CYB5R2: variants seen among roughly 807,000 people sequenced by gnomAD.
CYB5R2 encodes NADH-cytochrome b5 reductase 2.
Under a neutral mutation model 29.8 loss-of-function variants are expected in CYB5R2, and 35 were observed. The observed-to-expected ratio is 1.17, with a 90% CI of 0.90 to 1.56. The LOEUF (loss-of-function observed/expected upper bound fraction) is 1.56, where lower values mean the gene tolerates loss of function less well. Among genes scored for constraint, CYB5R2 ranks in the 40% most tolerant of loss-of-function variants. The pLI is 0.00. For missense variants in CYB5R2, 419 were observed against 346.7 expected (o/e 1.21, Z -1.66); for synonymous variants, 169 against 130.6 (o/e 1.29, Z -2.01).
In CYB5R2 at chr11:7,672,860, G is replaced by A. The variant is rs376565245; in HGVS notation, c.-35C>T. The A allele has an allele frequency of 1.0e-4, 161 of 1,613,924 alleles. No homozygotes were observed. The highest frequency in any genetic ancestry group is 1.3e-4 in the Non-Finnish European group (156 of 1,179,966). On this transcript the variant is annotated 5_prime_UTR_variant, in exon 2 of 9. Transcript: ENST00000299498. ...GACCAACACGAGCACAGTGACCCCAGTGACGGTGATGGTCAGGAGCAGGGA... is the reference window on the plus strand; with the variant it reads ...GACCAACACGAGCACAGTGACCCCAATGACGGTGATGGTCAGGAGCAGGGA...
At chr11:7,667,922 A>G in intron 6 of CYB5R2, 109 bp from the exon 7 acceptor site, 2 of 885,062 alleles carry the variant, frequency 2.3e-6, no homozygotes, top group Non-Finnish European at 3.7e-6. Context: ...TCCTTTTCTC[A>G]CTTCTGTCCC....
rs183205162 is a variant in CYB5R2, at chr11:7,667,568, C to T, written c.558+160G>A. The T allele has an allele frequency of 1.4e-3, 923 of 682,374 alleles. 5 individuals are homozygous for T. Among genetic ancestry groups the T allele is most frequent in the Middle Eastern group, 5.8e-3 (23 of 3,966 alleles). The allele number at this position is 682,374 out of a possible 1,614,324, so 42.3% of individuals were successfully genotyped here. A position where few individuals can be genotyped will look rare whatever the true frequency, so the allele number is the denominator to read the frequency against. ...TACATGCAAAAAGCAGGCCTGGACT[C>T]AGCTTCTCCAGCTGCCAGCAGCCCT... is the stretch of plus-strand genomic sequence containing the variant. On this transcript the variant is annotated intron_variant, in intron 7 of 8. Coordinates refer to ENST00000299498, the MANE Select transcript of CYB5R2 (RefSeq NM_016229.5).
rs112078510 is a variant in CYB5R2, at chr11:7,669,101, G to C, written c.388+104C>G. The C allele has an allele frequency of 1.2e-3, 1,684 of 1,398,922 alleles. 23 individuals are homozygous for C. In the African/African-American group the frequency reaches 0.021, roughly 17 times the overall value. 86.7% of individuals were successfully genotyped at this position (1,398,922 alleles called of 1,614,324 possible). A position where few individuals can be genotyped will look rare whatever the true frequency, so the allele number is the denominator to read the frequency against. On this transcript the variant is annotated intron_variant, in intron 5 of 8. Transcript: ENST00000299498. ...TTGTGTGTGAATGAATGAAGACTAA[G>C]GACAACCCCATGTGACTCAAATCTG...
rs773600268 is a variant in CYB5R2 at position 7,665,463 on chromosome 11, C to T, written c.742G>A (p.Val248Met). Residue 248 changes from valine to methionine, a missense_variant, in exon 9 of 9, where the codon GTG (valine) becomes ATG (methionine). Val to Met is a conservative substitution (Grantham distance 21). Transcript: ENST00000299498. ...PPPAKSTLILVCGPPPLIQTA... is the reference protein window; with the variant it reads ...PPPAKSTLILMCGPPPLIQTA... ...TGGATTAGTGGTGGCGGGCCACACACCAGGATGAGCGTGGACTTCGCTGGA... is the reference window on the plus strand; with the variant it reads ...TGGATTAGTGGTGGCGGGCCACACATCAGGATGAGCGTGGACTTCGCTGGA... The T allele has an allele frequency of 3.1e-6, 5 of 1,613,906 alleles. No homozygotes were observed. In the Admixed American group the frequency reaches 8.3e-5, roughly 27 times the overall value.
rs1209071137 is a variant in CYB5R2, at chr11:7,665,342, G to A, written c.*32C>T. On this transcript the variant is annotated 3_prime_UTR_variant, in exon 9 of 9. Transcript: ENST00000299498. The stretch of plus-strand genomic sequence containing the variant: ...AACTTACTCTGAAACAGATGAAAAG[G>A]GACATGCAAAATTGCTGAGCACGTG... The A allele has an allele frequency of 1.4e-6, 2 of 1,466,630 alleles. No homozygotes were observed. The highest frequency in any genetic ancestry group is 2.4e-5 in the East Asian group (1 of 42,018). The allele number at this position is 1,466,630 out of a possible 1,614,324, so 90.9% of individuals were successfully genotyped here. A position where few individuals can be genotyped will look rare whatever the true frequency, so the allele number is the denominator to read the frequency against.
Position 7,672,902 on chromosome 11 carries a change from C to A in CYB5R2, c.-66-11G>T. On this transcript the variant is annotated splice_polypyrimidine_tract_variant and intron_variant, in intron 1 of 8. Coordinates refer to ENST00000299498, the MANE Select transcript of CYB5R2 (RefSeq NM_016229.5). ...GAGCAGGGACGGGTCCTGGCAGACA[C>A]AATGTGAACAGAGCACCTCAGGTCT... is the stretch of plus-strand genomic sequence containing the variant. 1.2e-6 allele frequency: 2 copies of A among 1,607,880 alleles called. No individual in the cohort carries two copies. The highest frequency in any genetic ancestry group is 2.2e-5 in the East Asian group (1 of 44,626).
chr11:7,672,856 C>A lies in CYB5R2; in HGVS notation c.-31G>T. The A allele has an allele frequency of 6.2e-7, 1 of 1,613,974 alleles. No homozygotes were observed. Among genetic ancestry groups the A allele is most frequent in the Non-Finnish European group, 8.5e-7 (1 of 1,179,956 alleles). ...TCAGGACCAACACGAGCACAGTGACCCCAGTGACGGTGATGGTCAGGAGCA... is the reference window on the plus strand; with the variant it reads ...TCAGGACCAACACGAGCACAGTGACACCAGTGACGGTGATGGTCAGGAGCA... On this transcript the variant is annotated 5_prime_UTR_variant, in exon 2 of 9. Coordinates refer to ENST00000299498, the MANE Select transcript of CYB5R2 (RefSeq NM_016229.5).
At chr11:7,673,837 G>A (rs1248736758), upstream of CYB5R2, 2 of 987,602 alleles carry the variant, frequency 2.0e-6, no homozygotes, top group African/African-American at 1.7e-5. Flanking sequence ...GGAACCGGCC[G>A]AGACCCGGAC....
chr11:7,666,044 T>C, intron 8 of CYB5R2: 1 of 802,262 alleles, frequency 1.2e-6, no homozygotes, highest in East Asian at 2.7e-5. Flanking sequence ...AGCAGCTGTC[T>C]GGGGGCTCAG....
intron 7 of CYB5R2, chr11:7,667,479 C>T (rs1855371374): frequency 5.3e-6 from 2 of 379,540 alleles, no homozygotes; most frequent in South Asian, 7.1e-5. Context: ...TACAGCAGTA[C>T]ATCTTAAGGA....
At chr11:7,665,900 GA>G in intron 8 of CYB5R2, 1 of 1,536,158 alleles carries the variant, frequency 6.5e-7, no homozygotes, top group South Asian at 1.2e-5. Flanking sequence ...GAACTGCGCA[GA>G]ATTGCTCAGT....
At chr11:7,673,760 G>A (rs1003426139), upstream of CYB5R2, 6 of 983,742 alleles carry the variant, frequency 6.1e-6, no homozygotes, top group Non-Finnish European at 7.2e-6. Flanking sequence ...GGGGTTGGCC[G>A]GGGGCCGCTC....
At chr11:7,668,433 G>A (rs372452293) in intron 6 of CYB5R2, 45 bp downstream of exon 6, 3 of 1,432,582 alleles carry the variant, frequency 2.1e-6, no homozygotes, top group South Asian at 1.1e-5. Flanking sequence ...GTCAGAATGG[G>A]TCTCGGGGCT....
At chr11:7,673,321 A>G in intron 1 of CYB5R2, 98 bp downstream of exon 1, 1 of 1,003,990 alleles carries the variant, frequency 1.0e-6, no homozygotes, top group South Asian at 3.8e-5. Flanking sequence ...CCCGTGACTT[A>G]GGGCCTGGGG....
intron 8 of CYB5R2, 49 bp downstream of exon 8, chr11:7,666,402 T>C (rs1266010318): frequency 1.6e-6 from 2 of 1,238,472 alleles, no homozygotes; most frequent in East Asian, 2.3e-5. Flanking sequence ...CTCAAAGTGG[T>C]CAAGGGTTGG....
rs1855503121 is a variant in CYB5R2, at chr11:7,668,527, C to T, written c.423G>A (p.Glu141=). 9 of 1,614,086 alleles carry T rather than the reference C, an allele frequency of 5.6e-6. No individual in the cohort carries two copies. The highest frequency in any genetic ancestry group is 7.6e-6 in the Non-Finnish European group (9 of 1,179,986). Residue 141 remains glutamate (E), a synonymous_variant, in exon 6 of 9, where the codon GAG becomes GAA. Coordinates refer to ENST00000299498, the MANE Select transcript of CYB5R2 (RefSeq NM_016229.5). Reference sequence around the variant, plus strand: ...GGTGATCGGCCAGTGTTTTTTTAGGCTCACTCGTCTGGTCTGGTCTGATTC... The same window carrying T: ...GGTGATCGGCCAGTGTTTTTTTAGGTTCACTCGTCTGGTCTGGTCTGATTC... ...NLGIRPDQTS[E]PKKTLADHLG...
At position 7,665,534 on chromosome 11, in the gene CYB5R2, C is replaced by G; in HGVS notation, c.671G>C (p.Ser224Thr). 6.2e-7 allele frequency: 1 copy of G among 1,605,744 alleles called. No homozygotes were observed. Among genetic ancestry groups the G allele is most frequent in the Non-Finnish European group, 8.5e-7 (1 of 1,176,866 alleles). Residue 224 changes from serine (S) to threonine (T), a missense_variant, in exon 9 of 9, where the codon AGC (serine) becomes ACC (threonine). Physicochemically the swap from Ser to Thr is moderately conservative, Grantham distance 58 (BLOSUM62 1). Coordinates refer to ENST00000299498, the MANE Select transcript of CYB5R2 (RefSeq NM_016229.5). ...CATGTCGGCAGTAACGAAGCCTGAG[C>G]TGTACTTCCAGCCTGAAATGAAGGA... is the stretch of plus-strand genomic sequence containing the variant. Reference protein sequence around the residue: ...LDRPPIGWKYSSGFVTADMIK... With the variant: ...LDRPPIGWKYTSGFVTADMIK...
At chr11:7,673,781 G>A, upstream of CYB5R2, 1 of 985,078 alleles carries the variant, frequency 1.0e-6, no homozygotes, top group Non-Finnish European at 1.2e-6. Context: ...CCCGCCGCGG[G>A]CCCGCAGACT....
intron 8 of CYB5R2, chr11:7,665,881 G>A: frequency 2.0e-6 from 3 of 1,536,150 alleles, no homozygotes; most frequent in Middle Eastern, 1.7e-4. Context: ...GTGTGGCCTG[G>A]TGTTAGTGGA....
Sources: gnomAD v4.1 joint callset for allele counts on GRCh38, gnomAD v4.1.1 for gene constraint, MANE v1.5 for transcripts, NCBI Gene and HGNC (gene_info 2026-07-23, HGNC 2026-07-21) for gene names.